The following RP1 variants were observed in gnomAD, a reference collection of about 807,000 sequenced individuals.
The protein encoded by RP1 is oxygen-regulated protein 1.
Under a neutral mutation model 14.8 loss-of-function variants are expected in RP1, and 16 were observed. That is an observed-to-expected ratio of 1.08 (90% CI 0.73 to 1.65). The LOEUF (loss-of-function observed/expected upper bound fraction) is 1.65, where lower values mean the gene tolerates loss of function less well. RP1 is among the 40% of genes most tolerant of loss of function. The pLI, the probability that RP1 is intolerant of heterozygous loss-of-function variation, is 0.00. For synonymous variants in RP1, 876 were observed against 883.6 expected (o/e 0.99, Z 0.15); for missense variants, 2,631 against 2,535.0 (o/e 1.04, Z -0.81).
chr8:54,563,300 C>T (rs1451828393), intron 1 of RP1, among the ~76,000 whole-genome samples: 1 of 152,180 alleles, frequency 6.6e-6, no homozygotes, highest in Non-Finnish European at 1.5e-5. Context: ...CAGGGACACG[C>T]TCACTCTGTT....
intron 1 of RP1, among the ~76,000 whole-genome samples, chr8:54,589,960 C>A (rs1219183478): frequency 6.6e-6 from 1 of 151,966 alleles, no homozygotes; most frequent in Non-Finnish European, 1.5e-5. Flanking sequence ...ATCCTTTTTT[C>A]CTTGAACCTC....
At chr8:54,820,831 G>A (rs1370803416) in intron 24 of RP1, among the ~76,000 whole-genome samples, 2 of 152,064 alleles carry the variant, frequency 1.3e-5, no homozygotes, top group African/African-American at 4.8e-5. Flanking sequence ...ATCGCTGCGG[G>A]CCATCTTTCT....
intron 7 of RP1, among the ~76,000 whole-genome samples, chr8:54,667,744 G>A (rs1807051354): frequency 6.6e-6 from 1 of 152,050 alleles, no homozygotes; most frequent in African/African-American, 2.4e-5. Flanking sequence ...AGAACTGAAA[G>A]TCAGAAACCT....
chr8:54,770,590 A>G (rs1809877141), downstream of RP1, among the ~76,000 whole-genome samples: 1 of 149,210 alleles, frequency 6.7e-6, no homozygotes, highest in African/African-American at 2.4e-5. Context: ...AGAAATACTC[A>G]ACTTGTAATT....
intron 1 of RP1, among the ~76,000 whole-genome samples, chr8:54,606,561 C>T (rs1406204314): frequency 6.6e-6 from 1 of 152,080 alleles, no homozygotes; most frequent in Non-Finnish European, 1.5e-5. Flanking sequence ...GTGGTGTTCT[C>T]TGTATTTCCT....
At chr8:54,745,707 G>C (rs1237771667) in intron 19 of RP1, among the ~76,000 whole-genome samples, 2 of 148,026 alleles carry the variant, frequency 1.4e-5, no homozygotes, top group Non-Finnish European at 3.0e-5. Flanking sequence ...CACTGTGTTT[G>C]TTTGTTTTCA....
At chr8:54,818,000 GACC>G (rs59871880) in intron 24 of RP1, among the ~76,000 whole-genome samples, 37,213 of 152,000 alleles carry the variant, frequency 0.24, 5,241 homozygotes, top group Middle Eastern at 0.46. Context: ...CATAAAACTT[GACC>G]AAATGAAATG....
chr8:54,766,995 T>G (rs1382545056), intron 22 of RP1, among the ~76,000 whole-genome samples: 1 of 152,206 alleles, frequency 6.6e-6, no homozygotes, highest in Non-Finnish European at 1.5e-5. Context: ...GGGAATTTTC[T>G]TGTCTTAATG....
At chr8:54,643,847 T>G (rs1329732226) in intron 3 of RP1, among the ~76,000 whole-genome samples, 2 of 152,136 alleles carry the variant, frequency 1.3e-5, no homozygotes, top group Non-Finnish European at 2.9e-5. Flanking sequence ...ATCTCTTCTC[T>G]TCCTATAAGG....
intron 7 of RP1, among the ~76,000 whole-genome samples, chr8:54,665,236 T>C (rs1241702222): frequency 6.6e-6 from 1 of 152,194 alleles, no homozygotes; most frequent in Admixed American, 6.5e-5. Flanking sequence ...ATTCCCCTTT[T>C]TTCTTCATTT....
chr8:54,749,441 C>A (rs1158664461), intron 19 of RP1, among the ~76,000 whole-genome samples: 2 of 152,118 alleles, frequency 1.3e-5, no homozygotes, highest in African/African-American at 4.8e-5. Flanking sequence ...TGGCAGAGGG[C>A]AGTTGGCTCA....
downstream of RP1, among the ~76,000 whole-genome samples, chr8:54,770,567 G>T (rs1809876733): frequency 1.4e-5 from 2 of 145,526 alleles, no homozygotes; most frequent in African/African-American, 2.5e-5. Flanking sequence ...TAGGCAATTT[G>T]AGATAACGTA....
At chr8:54,790,796 G>A (rs758469244) in intron 24 of RP1, among the ~76,000 whole-genome samples, 13 of 152,028 alleles carry the variant, frequency 8.6e-5, no homozygotes, top group Admixed American at 2.6e-4. Flanking sequence ...ATATTCAGTC[G>A]GTGGAGCAAA....
chr8:54,704,131 C>T (rs1035371231), intron 14 of RP1, among the ~76,000 whole-genome samples: 1 of 152,214 alleles, frequency 6.6e-6, no homozygotes, highest in Admixed American at 6.5e-5. Context: ...GCATTCACAA[C>T]ATGGCTACCT....
intron 16 of RP1, among the ~76,000 whole-genome samples, chr8:54,720,764 G>A (rs748282515): frequency 1.1e-4 from 16 of 152,160 alleles, no homozygotes; most frequent in Non-Finnish European, 2.4e-4. Flanking sequence ...TTCAAGATAG[G>A]ACAGAAATGT....
rs76108739 is a variant in RP1 at position 54,688,986 on chromosome 8, G to A, written c.1717+9053G>A. Among the ~76,000 whole-genome samples, 1,173 of 152,026 alleles carry A rather than the reference G, an allele frequency of 7.7e-3. 21 individuals are homozygous for A. The highest frequency in any genetic ancestry group is 0.027 in the African/African-American group (1,105 of 41,484). ...ATTTGTTTGTGTCATCTTTTATTTCGTTGAGCAGTGGTTTGTAGTTCTTCT... is the reference window on the plus strand; with the variant it reads ...ATTTGTTTGTGTCATCTTTTATTTCATTGAGCAGTGGTTTGTAGTTCTTCT... On this transcript the variant is annotated intron_variant, in intron 12 of 22. Coordinates refer to the RP1 transcript ENST00000636932.
At chr8:54,729,097 T>G (rs1163670047) in intron 17 of RP1, among the ~76,000 whole-genome samples, 3 of 152,174 alleles carry the variant, frequency 2.0e-5, no homozygotes, top group African/African-American at 4.8e-5. Flanking sequence ...TTAAACACAT[T>G]CAAACCGAAT....
intron 6 of RP1, among the ~76,000 whole-genome samples, chr8:54,663,070 A>G (rs1806936711): frequency 6.6e-6 from 1 of 152,150 alleles, no homozygotes; most frequent in South Asian, 2.1e-4. Flanking sequence ...GTTATGTCCC[A>G]TTCTGAGTGT....
intron 1 of RP1, among the ~76,000 whole-genome samples, chr8:54,580,813 T>A (rs1804773093): frequency 6.6e-6 from 1 of 151,748 alleles, no homozygotes; most frequent in African/African-American, 2.4e-5. Flanking sequence ...GAGACGGGGT[T>A]TCTCCATATT....
Sources: allele counts gnomAD v4.1 joint callset (sites outside exome capture counted in the v4.1 genomes callset), GRCh38; gene constraint gnomAD v4.1.1; transcripts MANE v1.5; gene names NCBI Gene and HGNC (gene_info 2026-07-23, HGNC 2026-07-21).